SNX19: variants seen among roughly 807,000 people sequenced by gnomAD.
SNX19 encodes sorting nexin-19.
Under a neutral mutation model 85.2 loss-of-function variants are expected in SNX19, and 60 were observed. The observed-to-expected ratio is 0.70, with a 90% CI of 0.57 to 0.87. SNX19 has a LOEUF of 0.87. SNX19 is among the 40% of genes least tolerant of loss of function. The pLI is 0.00. For synonymous variants in SNX19, 520 were observed against 470.0 expected (o/e 1.11, Z -1.38); for missense variants, 1,201 against 1,217.8 (o/e 0.99, Z 0.21).
At chr11:130,896,443 G>A (rs1338619316) in intron 8 of SNX19, among the ~76,000 whole-genome samples, 3 of 152,174 alleles carry the variant, frequency 2.0e-5, no homozygotes, top group African/African-American at 7.2e-5. Flanking sequence ...CATCAGATGC[G>A]TGTGTCCCTG....
Position 130,867,614 on chromosome 11 carries a change from G to C in SNX19, c.*10808C>G, listed in dbSNP as rs1291001286. ...TTCCTTTCAAGAAGAGAATCCCCGG[G>C]TTTCTTTCCTTTCTTCCTTCCTTAA... On this transcript the variant is annotated 3_prime_UTR_variant, in exon 11 of 11. Coordinates refer to ENST00000265909, the MANE Select transcript of SNX19 (RefSeq NM_014758.3). 6.6e-6 allele frequency: 1 copy of C among 152,282 alleles called. No homozygotes were observed. The highest frequency in any genetic ancestry group is 6.5e-5 in the Admixed American group (1 of 15,302). 9.4% of individuals were successfully genotyped at this position (152,282 alleles called of 1,614,324 possible).
At position 130,866,822 on chromosome 11, in the gene SNX19, T is replaced by G. The variant is rs1942783263; in HGVS notation, c.*11600A>C. 1 of 152,188 alleles carries G rather than the reference T, an allele frequency of 6.6e-6. No homozygotes were observed. Among genetic ancestry groups the G allele is most frequent in the African/African-American group, 2.4e-5 (1 of 41,420 alleles). 9.4% of individuals were successfully genotyped at this position (152,188 alleles called of 1,614,324 possible). On this transcript the variant is annotated 3_prime_UTR_variant, in exon 11 of 11. Transcript: ENST00000265909. ...TAGTCCTGGTGTGGGGCAGCAGAAA[T>G]GCCACTGAGCTAGAAGCTGGAAGAC... is the stretch of plus-strand genomic sequence containing the variant.
At chr11:130,881,028 G>T in intron 8 of SNX19, 1 of 364,822 alleles carries the variant, frequency 2.7e-6, no homozygotes, top group Non-Finnish European at 4.9e-6. Flanking sequence ...CACCCCTTTT[G>T]CCATATGAGG....
rs1354493197 is a variant in SNX19 at position 130,910,283 on chromosome 11, T to C, written c.1901A>G (p.Glu634Gly). The change falls in exon 3 of 11, where the codon GAA becomes GGA. Residue 634 changes from glutamate (E) to glycine (G), a missense_variant. Glu to Gly is a moderately conservative substitution (Grantham distance 98). Transcript: ENST00000265909. ...AAGGATGCTGACCTTTAGGAATGAT[T>C]CTAGGAGGCTCTTACGGGCTTCTAC... ...DRVEARKSLLESFLKQLCAIP... is the reference protein window; with the variant it reads ...DRVEARKSLLGSFLKQLCAIP... 2 of 1,613,546 alleles carry C rather than the reference T, an allele frequency of 1.2e-6. No individual in the cohort carries two copies. Among genetic ancestry groups the C allele is most frequent in the South Asian group, 2.2e-5 (2 of 90,988 alleles).
chr11:130,912,632 T>G (rs541730724), intron 1 of SNX19, among the ~76,000 whole-genome samples: 4 of 152,262 alleles, frequency 2.6e-5, no homozygotes, highest in Non-Finnish European at 5.9e-5. Context: ...TACCTCCTCG[T>G]TGGTGGGAGT....
At chr11:130,899,274 T>C (rs532526502) in intron 8 of SNX19, among the ~76,000 whole-genome samples, 1 of 152,296 alleles carries the variant, frequency 6.6e-6, no homozygotes, top group Admixed American at 6.5e-5. Context: ...TGCTAAAATG[T>C]GTTAGCTCCA....
At chr11:130,889,083 A>G (rs1041808885) in intron 8 of SNX19, among the ~76,000 whole-genome samples, 1 of 152,160 alleles carries the variant, frequency 6.6e-6, no homozygotes, top group Admixed American at 6.5e-5. Flanking sequence ...TCTTGTTAGT[A>G]ACATGTGACA....
At chr11:130,883,670 TC>T (rs1285912317) in intron 8 of SNX19, among the ~76,000 whole-genome samples, 1 of 152,024 alleles carries the variant, frequency 6.6e-6, no homozygotes, top group Admixed American at 6.6e-5. Flanking sequence ...TGCCCACCCT[TC>T]CCCCTGTCAG....
intron 8 of SNX19, among the ~76,000 whole-genome samples, chr11:130,902,127 A>AAAATT (rs1945298745): frequency 1.3e-5 from 2 of 152,252 alleles, no homozygotes; most frequent in South Asian, 4.1e-4. Flanking sequence ...TAAGTGTGCT[A>AAAATT]CTAATGACGA....
At chr11:130,898,248 T>C (rs1054159368) in intron 8 of SNX19, among the ~76,000 whole-genome samples, 11 of 152,118 alleles carry the variant, frequency 7.2e-5, no homozygotes, top group Non-Finnish European at 1.6e-4. Context: ...CTTTTAAAGT[T>C]GCAAGATGGG....
In SNX19 at chr11:130,911,788, T is replaced by C. The variant is rs183418184; in HGVS notation, c.1675-17A>G. Reference sequence around the variant, plus strand: ...TGTCTCGTACTGTTCAACGAACAAATTGATTGACTCAATCAGCCGGGTTTC... The same window carrying C: ...TGTCTCGTACTGTTCAACGAACAAACTGATTGACTCAATCAGCCGGGTTTC... On this transcript the variant is annotated splice_polypyrimidine_tract_variant and intron_variant, in intron 1 of 10. Transcript: ENST00000265909. 1.8e-4 allele frequency: 293 copies of C among 1,611,694 alleles called. 1 individual carries two copies. The East Asian group carries it at 6.0e-3, about 33-fold the overall frequency.
intron 8 of SNX19, among the ~76,000 whole-genome samples, chr11:130,885,434 C>A (rs1943989701): frequency 6.6e-6 from 1 of 152,168 alleles, no homozygotes; most frequent in Non-Finnish European, 1.5e-5. Context: ...AAGGTCATTT[C>A]CCATCAAAAC....
rs1036914289 is a variant in SNX19 at position 130,869,470 on chromosome 11, G to A, written c.*8952C>T. 2 of 152,190 alleles carry A rather than the reference G, an allele frequency of 1.3e-5. No individual in the cohort carries two copies. Among genetic ancestry groups the A allele is most frequent in the Non-Finnish European group, 2.9e-5 (2 of 68,046 alleles). The allele number at this position is 152,190 out of a possible 1,614,324, so 9.4% of individuals were successfully genotyped here. ...AGTTTTTCGAGGATAAACTTGTAGA[G>A]GGATTTGGGGAGAGGAAGCTTTATT... On this transcript the variant is annotated 3_prime_UTR_variant, in exon 11 of 11. Transcript: ENST00000265909.
chr11:130,909,760 C>T (rs1052375518), intron 4 of SNX19, among the ~76,000 whole-genome samples: 8 of 152,282 alleles, frequency 5.3e-5, no homozygotes, highest in African/African-American at 1.9e-4. Context: ...TATAATGATA[C>T]CCCCAGGAGA....
chr11:130,885,885 C>T (rs1471608355), intron 8 of SNX19, among the ~76,000 whole-genome samples: 1 of 152,186 alleles, frequency 6.6e-6, no homozygotes, highest in Non-Finnish European at 1.5e-5. Flanking sequence ...TATTTTATTA[C>T]CCTGAGAGCA....
At chr11:130,883,163 T>C (rs974640163) in intron 8 of SNX19, among the ~76,000 whole-genome samples, 9 of 152,138 alleles carry the variant, frequency 5.9e-5, no homozygotes, top group African/African-American at 1.7e-4. Flanking sequence ...TTTATAAACT[T>C]ATACAAATCT....
At chr11:130,909,956 C>T in intron 4 of SNX19, 62 bp downstream of exon 4, 1 of 1,602,584 alleles carries the variant, frequency 6.2e-7, no homozygotes, top group Non-Finnish European at 8.5e-7. Context: ...TGCCTCCATT[C>T]TGATGAATCC....
intron 8 of SNX19, among the ~76,000 whole-genome samples, chr11:130,896,516 A>C (rs1944888998): frequency 6.6e-6 from 1 of 152,254 alleles, no homozygotes; most frequent in Non-Finnish European, 1.5e-5. Flanking sequence ...CTTTCAGGTG[A>C]ACCCAGTTCT....
chr11:130,912,440 C>T (rs918343543), intron 1 of SNX19, among the ~76,000 whole-genome samples: 1 of 152,188 alleles, frequency 6.6e-6, no homozygotes, highest in African/African-American at 2.4e-5. Context: ...ATCTCATGTT[C>T]CCCAAAGAGT....
Sources: allele counts gnomAD v4.1 joint callset (sites outside exome capture counted in the v4.1 genomes callset), GRCh38; gene constraint gnomAD v4.1.1; transcripts MANE v1.5; gene names NCBI Gene and HGNC (gene_info 2026-07-23, HGNC 2026-07-21).